BFAR: variants seen among roughly 807,000 people sequenced by gnomAD.
BFAR encodes the protein bifunctional apoptosis regulator.
Under a neutral mutation model 54.4 loss-of-function variants are expected in BFAR, and 52 were observed. The ratio of observed to expected loss-of-function variants is 0.96; its 90% CI spans 0.77 to 1.21. The LOEUF is 1.21. Among genes scored for constraint, BFAR ranks in the 50% most tolerant of loss-of-function variants. The pLI, the probability that BFAR is intolerant of heterozygous loss-of-function variation, is 0.00. For missense variants in BFAR, 571 were observed against 534.0 expected, an observed-to-expected ratio of 1.07 and a Z score of -0.68; for synonymous variants, 215 against 204.3, an observed-to-expected ratio of 1.05 and a Z score of -0.45.
intron 1 of BFAR, among the ~76,000 whole-genome samples, chr16:14,640,682 G>A (rs140881954): frequency 1.3e-5 from 2 of 152,124 alleles, no homozygotes; most frequent in African/African-American, 2.4e-5. Context: ...ATAATGATGC[G>A]TCACCGTGGT....
At chr16:14,654,469 C>A (rs1005723400) in intron 4 of BFAR, among the ~76,000 whole-genome samples, 2 of 149,758 alleles carry the variant, frequency 1.3e-5, no homozygotes, top group African/African-American at 4.9e-5. Flanking sequence ...GGGAAAGTCA[C>A]CTTATTTCTC....
chr16:14,641,563 A>T (rs1596967861), intron 1 of BFAR, among the ~76,000 whole-genome samples: 2 of 151,814 alleles, frequency 1.3e-5, no homozygotes, highest in African/African-American at 4.8e-5. Context: ...AAAAAAAAAA[A>T]AAAAGTATAC....
At chr16:14,661,123 T>C (rs1028604402) in intron 5 of BFAR, among the ~76,000 whole-genome samples, 4 of 152,204 alleles carry the variant, frequency 2.6e-5, no homozygotes, top group Non-Finnish European at 4.4e-5. Context: ...AAAATGGCTA[T>C]GTGAATTCCA....
Position 14,661,927 on chromosome 16 carries a change from C to G in BFAR, c.819C>G (p.Tyr273Ter). Residue 273 changes from tyrosine to a stop codon, truncating the protein, a stop_gained, in exon 6 of 8, where the codon TAC becomes TAG. Coordinates refer to ENST00000261658, the MANE Select transcript of BFAR (RefSeq NM_016561.3). LOFTEE classifies it high-confidence loss of function. ...VNPGRSLFLL[Y>*]ALKSSPRLSL... ...CAGGCAGGTCCCTGTTCCTGCTATACGCCCTCAAGAGCTCCCCCAGGCTGA... is the reference window on the plus strand; with the variant it reads ...CAGGCAGGTCCCTGTTCCTGCTATAGGCCCTCAAGAGCTCCCCCAGGCTGA... 6.2e-7 allele frequency: 1 copy of G among 1,614,158 alleles called. No homozygotes were observed. Among genetic ancestry groups the G allele is most frequent in the East Asian group, 2.2e-5 (1 of 44,876 alleles).
chr16:14,645,819 A>G (rs898226692), intron 2 of BFAR, among the ~76,000 whole-genome samples: 4 of 152,184 alleles, frequency 2.6e-5, no homozygotes, highest in Non-Finnish European at 5.9e-5. Flanking sequence ...ACTGATTTTA[A>G]TAACATAAGA....
At position 14,655,114 on chromosome 16, in the gene BFAR, C is replaced by T. The variant is rs1960087577; in HGVS notation, c.687C>T (p.Thr229=). The part of the protein sequence containing the change: ...TEEEFSKTPY[T]IENSSHRRAI... ...AAGAATTTTCCAAGACGCCCTATAC[C>T]ATAGAAAACAGCAGCCACAGGAGAG... The change falls in exon 5 of 8, where the codon ACC becomes ACT. Residue 229 remains threonine (T), a synonymous_variant. Transcript: ENST00000261658. 6 of 1,612,154 alleles carry T rather than the reference C, an allele frequency of 3.7e-6. No homozygotes were observed. Among genetic ancestry groups the T allele is most frequent in the Non-Finnish European group, 5.1e-6 (6 of 1,179,136 alleles).
At chr16:14,644,691 G>C (rs1959737039) in intron 2 of BFAR, 82 bp downstream of exon 2, 1 of 1,374,610 alleles carries the variant, frequency 7.3e-7, no homozygotes, top group Non-Finnish European at 9.9e-7. Flanking sequence ...TTTTTTAACA[G>C]AGATGGCGTC....
chr16:14,648,690 T>C (rs1959877582), intron 3 of BFAR, 98 bp downstream of exon 3: 1 of 861,050 alleles, frequency 1.2e-6, no homozygotes. Flanking sequence ...CTGAAATAAT[T>C]GATGATGTGA....
chr16:14,642,952 G>C (rs1434606816), intron 1 of BFAR, among the ~76,000 whole-genome samples: 3 of 152,184 alleles, frequency 2.0e-5, no homozygotes, highest in Non-Finnish European at 2.9e-5. Flanking sequence ...AAGACTGGCA[G>C]ATCACTCGAG....
At chr16:14,644,092 G>A (rs1959708903) in intron 1 of BFAR, among the ~76,000 whole-genome samples, 182 bp from the exon 2 acceptor site, 1 of 151,416 alleles carries the variant, frequency 6.6e-6, no homozygotes, top group Non-Finnish European at 1.5e-5. Flanking sequence ...GAACCTGGGA[G>A]GTGGAGGTTG....
chr16:14,658,540 G>C (rs1240134723), intron 5 of BFAR, among the ~76,000 whole-genome samples: 1 of 151,994 alleles, frequency 6.6e-6, no homozygotes, highest in African/African-American at 2.4e-5. Context: ...CTCCATCCTG[G>C]CTAACACAGT....
intron 1 of BFAR, among the ~76,000 whole-genome samples, chr16:14,634,447 A>C (rs1026341870): frequency 6.6e-6 from 1 of 152,182 alleles, no homozygotes; most frequent in Non-Finnish European, 1.5e-5. Context: ...CCATCACTCA[A>C]TAAATGCTGC....
intron 2 of BFAR, among the ~76,000 whole-genome samples, chr16:14,647,626 G>A (rs1440417447): frequency 2.6e-5 from 4 of 150,948 alleles, no homozygotes; most frequent in Non-Finnish European, 4.4e-5. Flanking sequence ...GCGGTAAGCT[G>A]AGATCATGAC....
chr16:14,646,481 C>T (rs966551047), intron 2 of BFAR, among the ~76,000 whole-genome samples: 9 of 151,804 alleles, frequency 5.9e-5, no homozygotes, highest in African/African-American at 2.2e-4. Flanking sequence ...AGCCACTGTG[C>T]CTGGCCAAAT....
chr16:14,652,823 T>A (rs1470386172), intron 4 of BFAR, among the ~76,000 whole-genome samples: 1 of 152,138 alleles, frequency 6.6e-6, no homozygotes, highest in African/African-American at 2.4e-5. Flanking sequence ...CCCCTAAGGG[T>A]GTTACGTATA....
intron 7 of BFAR, among the ~76,000 whole-genome samples, chr16:14,666,274 A>C (rs1401790670): frequency 6.6e-6 from 1 of 152,158 alleles, no homozygotes; most frequent in Non-Finnish European, 1.5e-5. Flanking sequence ...AGAATCCCCA[A>C]AACTTAGAGG....
Position 14,644,586 on chromosome 16 carries a change from C to T in BFAR, c.240C>T (p.Phe80=). 1 of 1,613,756 alleles carries T rather than the reference C, an allele frequency of 6.2e-7. No homozygotes were observed. Residue 80 remains phenylalanine (F), a synonymous_variant, in exon 2 of 8, where the codon TTC becomes TTT. Coordinates refer to ENST00000261658, the MANE Select transcript of BFAR (RefSeq NM_016561.3). ...AATGCAGAGAAAAATGGGAAGGTTT[C>T]CCCAAAGTCAGTATTCTCCTCAGGT... The part of the protein sequence containing the change: ...CPECREKWEG[F]PKVSILLRDA...
intron 1 of BFAR, among the ~76,000 whole-genome samples, chr16:14,636,806 GGCTTCC>G (rs1173803772): frequency 2.6e-5 from 4 of 152,246 alleles, no homozygotes; most frequent in Non-Finnish European, 5.9e-5. Context: ...GGTCCCTGCG[GGCTTCC>G]GCAGTGTTTG....
At chr16:14,658,527 A>C (rs1046334692) in intron 5 of BFAR, among the ~76,000 whole-genome samples, 1 of 152,000 alleles carries the variant, frequency 6.6e-6, no homozygotes, top group African/African-American at 2.4e-5. Context: ...TTAAAAGGAA[A>C]ACCTCCATCC....
Sources: allele counts gnomAD v4.1 joint callset (sites outside exome capture counted in the v4.1 genomes callset), GRCh38; gene constraint gnomAD v4.1.1; transcripts MANE v1.5; gene names NCBI Gene and HGNC (gene_info 2026-07-23, HGNC 2026-07-21).